The following QTMAN variants were observed in gnomAD, a reference collection of about 807,000 sequenced individuals.
QTMAN encodes the protein queuosine-tRNA mannosyltransferase, also known as tRNA-queuosine alpha-mannosyltransferase.
At chr2:144,329,476 T>C in the QTMAN span, among the ~76,000 whole-genome samples, 1 of 152,136 alleles carries the variant, frequency 6.6e-6, no homozygotes, top group Non-Finnish European at 1.5e-5. Context: ...GAAAAACATA[T>C]CCTTATAAAA....
At chr2:144,325,881 T>C in the QTMAN span, among the ~76,000 whole-genome samples, 1 of 152,222 alleles carries the variant, frequency 6.6e-6, no homozygotes, top group Non-Finnish European at 1.5e-5. Context: ...TTGCATTACT[T>C]GTTACAGACA....
At chr2:144,182,798 T>TAA in the QTMAN span, among the ~76,000 whole-genome samples, 8 of 26,138 alleles carry the variant, frequency 3.1e-4, no homozygotes, top group Non-Finnish European at 6.6e-4. Flanking sequence ...TATATATATA[T>TAA]TATATATATA....
At chr2:144,315,498 A>G in the QTMAN span, among the ~76,000 whole-genome samples, 1 of 152,172 alleles carries the variant, frequency 6.6e-6, no homozygotes, top group East Asian at 1.9e-4. Flanking sequence ...TAGAAATACA[A>G]CTTCATATTA....
the QTMAN span, among the ~76,000 whole-genome samples, chr2:144,000,529 G>C: frequency 6.6e-6 from 1 of 151,918 alleles, no homozygotes; most frequent in African/African-American, 2.4e-5. Flanking sequence ...CACAGAACTG[G>C]TTGAATGATC....
the QTMAN span, among the ~76,000 whole-genome samples, chr2:144,050,820 T>C: frequency 3.3e-5 from 5 of 152,080 alleles, no homozygotes; most frequent in Non-Finnish European, 5.9e-5. Flanking sequence ...GCTATGTAAA[T>C]AGTTGTTATA....
At chr2:144,264,220 T>C in the QTMAN span, among the ~76,000 whole-genome samples, 7 of 152,228 alleles carry the variant, frequency 4.6e-5, no homozygotes, top group East Asian at 1.4e-3. Flanking sequence ...ACATATTCTA[T>C]AGTAGGATAC....
At chr2:144,166,369 C>T in the QTMAN span, among the ~76,000 whole-genome samples, 2 of 152,340 alleles carry the variant, frequency 1.3e-5, no homozygotes, top group East Asian at 1.9e-4. Flanking sequence ...TACATATTCT[C>T]TTGGGTGTCC....
chr2:144,133,424 AT>A, the QTMAN span, among the ~76,000 whole-genome samples: 15 of 44,264 alleles, frequency 3.4e-4, no homozygotes, highest in African/African-American at 2.4e-3. Flanking sequence ...TATATAATAT[AT>A]ATAATATATA....
chr2:144,198,657 T>C, the QTMAN span, among the ~76,000 whole-genome samples: 1 of 152,188 alleles, frequency 6.6e-6, no homozygotes, highest in Admixed American at 6.5e-5. Flanking sequence ...CTCAATTACA[T>C]TTGCTTTCAT....
chr2:144,189,505 A>C, the QTMAN span, among the ~76,000 whole-genome samples: 110 of 152,364 alleles, frequency 7.2e-4, no homozygotes, highest in African/African-American at 2.5e-3. Context: ...TTTCTCAAAT[A>C]AGCAGCACCA....
At chr2:143,948,705 T>A in the QTMAN span, among the ~76,000 whole-genome samples, 1 of 152,126 alleles carries the variant, frequency 6.6e-6, no homozygotes, top group African/African-American at 2.4e-5. Flanking sequence ...ATAAGTAAAT[T>A]CACATAATAT....
the QTMAN span, among the ~76,000 whole-genome samples, chr2:144,141,505 A>C: frequency 6.6e-6 from 1 of 151,232 alleles, no homozygotes; most frequent in Non-Finnish European, 1.5e-5. Context: ...ACTTATCTAG[A>C]CCAGTTCTTA....
At chr2:144,173,253 T>C in the QTMAN span, among the ~76,000 whole-genome samples, 2 of 152,174 alleles carry the variant, frequency 1.3e-5, no homozygotes, top group South Asian at 4.1e-4. Context: ...CTCCTTGTAT[T>C]CATGCCCTGT....
chr2:143,993,341 C>T, the QTMAN span, among the ~76,000 whole-genome samples: 1 of 151,788 alleles, frequency 6.6e-6, no homozygotes, highest in Non-Finnish European at 1.5e-5. Context: ...GAAAAATGGC[C>T]CCCCAAAAGA....
At chr2:143,973,907 A>T in the QTMAN span, among the ~76,000 whole-genome samples, 30 of 152,226 alleles carry the variant, frequency 2.0e-4, no homozygotes, top group Non-Finnish European at 1.2e-4. Context: ...AGAGCTCAAT[A>T]TATTTTGTTT....
chr2:144,304,242 C>T, the QTMAN span, among the ~76,000 whole-genome samples: 1 of 152,280 alleles, frequency 6.6e-6, no homozygotes, highest in African/African-American at 2.4e-5. Flanking sequence ...ATTAATTTAC[C>T]TCTGTATAGT....
At chr2:144,246,436 G>A in the QTMAN span, among the ~76,000 whole-genome samples, 194 of 150,902 alleles carry the variant, frequency 1.3e-3, no homozygotes, top group African/African-American at 4.1e-3. Context: ...AGCCGGGCGC[G>A]GTGGCGGGCG....
the QTMAN span, among the ~76,000 whole-genome samples, chr2:144,168,185 C>G: frequency 6.6e-6 from 1 of 152,094 alleles, no homozygotes; most frequent in Non-Finnish European, 1.5e-5. Context: ...ATGGGTAGAA[C>G]TCTGGGTTTC....
At chr2:144,041,678 G>A in the QTMAN span, among the ~76,000 whole-genome samples, 1 of 152,188 alleles carries the variant, frequency 6.6e-6, no homozygotes, top group East Asian at 1.9e-4. Context: ...TCATACTATA[G>A]TGAAGGCACA....
Sources: allele counts gnomAD v4.1 joint callset (sites outside exome capture counted in the v4.1 genomes callset), GRCh38; gene constraint gnomAD v4.1.1; transcripts MANE v1.5; gene names NCBI Gene and HGNC (gene_info 2026-07-23, HGNC 2026-07-21).